The following SRGAP2 variants were observed in gnomAD, a reference collection of about 807,000 sequenced individuals.
SRGAP2 encodes the protein SLIT-ROBO Rho GTPase-activating protein 2.
SRGAP2 carries 15 observed loss-of-function variants against 57.2 expected under a neutral mutation model. The observed-to-expected ratio is 0.26, with a 90% confidence interval of 0.18 to 0.40. The LOEUF (loss-of-function observed/expected upper bound fraction) is 0.40. Among genes scored for constraint, SRGAP2 ranks in the 10% least tolerant of loss-of-function variants. SRGAP2 has a pLI of 1.00. For synonymous variants in SRGAP2, 249 were observed against 248.0 expected, an observed-to-expected ratio of 1.00 and a Z score of -0.04; for missense variants, 520 against 669.6, an observed-to-expected ratio of 0.78 and a Z score of 2.47.
rs1164104583 is a variant in SRGAP2, at chr1:206,454,638, CCTGAGGAG to C, written c.2361-230_2361-223del. 2.8e-5 allele frequency: 14 copies of C among 498,422 alleles called. No individual in the cohort carries two copies. Among genetic ancestry groups the C allele is most frequent in the African/African-American group, 3.9e-5 (2 of 50,918 alleles). The allele number at this position is 498,422 out of a possible 1,614,324, so 30.9% of individuals were successfully genotyped here. ...TCCAGGTGTCCCCTAGCCACGCTTT[CCTGAGGAG>C]CTGAGGAGCCCGCAGAACTCAGCGG... On this transcript the variant is annotated intron_variant, in intron 20 of 22. Coordinates refer to ENST00000573034, the MANE Select transcript of SRGAP2 (RefSeq NM_015326.5). This position sits in a 1 kb window ranked among gnomAD's most constrained non-coding sequence, Gnocchi z 4.3.
intron 4 of SRGAP2, among the ~76,000 whole-genome samples, chr1:206,367,219 A>T (rs1320821008): frequency 3.3e-5 from 5 of 152,228 alleles, no homozygotes; most frequent in Non-Finnish European, 7.4e-5. Context: ...TGATGAATTT[A>T]AAAACTGATA....
In SRGAP2 at chr1:206,454,527, C is replaced by A; in HGVS notation, c.2361-351C>A. 1 of 415,648 alleles carries A rather than the reference C, an allele frequency of 2.4e-6. No homozygotes were observed. Among genetic ancestry groups the A allele is most frequent in the South Asian group, 3.9e-5 (1 of 25,874 alleles). The allele number at this position is 415,648 out of a possible 1,614,324, so 25.7% of individuals were successfully genotyped here. A position where few individuals can be genotyped will look rare whatever the true frequency, so the allele number is the denominator to read the frequency against. ...AGGACCTCAGCCGATAAACCACAAC[C>A]TGGACTTGCCGCCTCCTTCTCCAGG... is the stretch of plus-strand genomic sequence containing the variant. On this transcript the variant is annotated intron_variant, in intron 20 of 22. Transcript: ENST00000573034. This position sits in a 1 kb window ranked among gnomAD's most constrained non-coding sequence, Gnocchi z 4.3.
At chr1:206,413,172 T>C in intron 10 of SRGAP2, among the ~76,000 whole-genome samples, 1 of 152,212 alleles carries the variant, frequency 6.6e-6, no homozygotes, top group Non-Finnish European at 1.5e-5. Context: ...ACTGTGGCTG[T>C]TTTCTGAGCA....
intron 2 of SRGAP2, among the ~76,000 whole-genome samples, chr1:206,213,062 G>C (rs1477664121): frequency 6.6e-6 from 1 of 151,942 alleles, no homozygotes; most frequent in Non-Finnish European, 1.5e-5. Context: ...GTGGTGGCAG[G>C]CACCTGTAAT....
intron 13 of SRGAP2, among the ~76,000 whole-genome samples, chr1:206,427,725 A>G (rs1458725659): frequency 6.6e-6 from 1 of 152,208 alleles, no homozygotes; most frequent in African/African-American, 2.4e-5. Context: ...CTGAACATCT[A>G]AAGCCCTTTC....
At chr1:206,295,618 T>G (rs1438232993) in intron 2 of SRGAP2, among the ~76,000 whole-genome samples, 7 of 151,100 alleles carry the variant, frequency 4.6e-5, no homozygotes, top group Admixed American at 3.3e-4. Context: ...AACACTTTCA[T>G]TGTAGTATTT....
intron 2 of SRGAP2, among the ~76,000 whole-genome samples, chr1:206,241,125 G>A (rs1347742304): frequency 2.6e-5 from 4 of 152,174 alleles, no homozygotes; most frequent in South Asian, 2.1e-4. Context: ...TCGAGGCTAC[G>A]GTGAGCTGTA....
At chr1:206,284,750 A>G (rs1177527285) in intron 2 of SRGAP2, among the ~76,000 whole-genome samples, 1,767 of 152,068 alleles carry the variant, frequency 0.012, 11 homozygotes, top group South Asian at 0.026. Flanking sequence ...TGCCCAGCCA[A>G]CTTCTTGTTT....
intron 4 of SRGAP2, among the ~76,000 whole-genome samples, chr1:206,364,492 G>A (rs140619383): frequency 2.2e-3 from 335 of 151,994 alleles, no homozygotes; most frequent in Non-Finnish European, 3.3e-3. Context: ...GTAGAGACAG[G>A]TTTTCACTAT....
intron 2 of SRGAP2, among the ~76,000 whole-genome samples, chr1:206,234,859 G>A (rs1327187523): frequency 3.3e-5 from 5 of 151,820 alleles, no homozygotes; most frequent in South Asian, 2.1e-4. Context: ...ATTCGTTTTC[G>A]TGCCCCAAGA....
At chr1:206,422,251 G>A (rs1553364704) in intron 13 of SRGAP2, among the ~76,000 whole-genome samples, 1 of 152,234 alleles carries the variant, frequency 6.6e-6, no homozygotes, top group African/African-American at 2.4e-5. Context: ...CTCTGACAGG[G>A]TGGACCATTA....
chr1:206,438,044 C>T lies in SRGAP2; in HGVS notation c.1714C>T (p.Leu572=). The T allele has an allele frequency of 1.3e-6, 1 of 780,902 alleles. No homozygotes were observed. The highest frequency in any genetic ancestry group is 1.3e-5 in the South Asian group (1 of 74,628). The allele number at this position is 780,902 out of a possible 1,614,324, so 48.4% of individuals were successfully genotyped here. The change falls in exon 16 of 23, where the codon CTG becomes TTG. Residue 572 remains leucine, a synonymous_variant. Coordinates refer to ENST00000573034, the MANE Select transcript of SRGAP2 (RefSeq NM_015326.5). ...TGTCCTGAAGCTTTACTTCCGGGGG[C>T]TGGAACACCCTCTCTTCCCCAAGGA... ...AGVLKLYFRG[L]EHPLFPKDIF...
chr1:206,383,941 G>A (rs1655944514), intron 4 of SRGAP2, 73 bp from the exon 5 acceptor site: 2 of 1,283,830 alleles, frequency 1.6e-6, no homozygotes, highest in South Asian at 1.3e-5. Flanking sequence ...TAGAGCCAGT[G>A]TGGCTTTTGC....
At chr1:206,311,952 C>T (rs1240543672) in intron 3 of SRGAP2, among the ~76,000 whole-genome samples, 4 of 151,508 alleles carry the variant, frequency 2.6e-5, no homozygotes, top group African/African-American at 9.7e-5. Flanking sequence ...GAAGCTGGGA[C>T]AGAGAAAGTG....
intron 2 of SRGAP2, among the ~76,000 whole-genome samples, chr1:206,290,524 C>T (rs1178098648): frequency 1.3e-5 from 2 of 150,836 alleles, no homozygotes; most frequent in Non-Finnish European, 3.0e-5. Flanking sequence ...TGCCTGTAAT[C>T]CCAGCTACTT....
At chr1:206,444,359 A>C (rs1006366983) in intron 17 of SRGAP2, among the ~76,000 whole-genome samples, 3 of 152,224 alleles carry the variant, frequency 2.0e-5, no homozygotes, top group Non-Finnish European at 4.4e-5. Flanking sequence ...GTAGCCACCT[A>C]TGAATTGAAC....
intron 4 of SRGAP2, among the ~76,000 whole-genome samples, chr1:206,354,614 A>G (rs1553338976): frequency 6.6e-6 from 1 of 152,212 alleles, no homozygotes; most frequent in African/African-American, 2.4e-5. Context: ...GTTTGAGGCT[A>G]TTATGTATGT....
At chr1:206,230,129 GT>G (rs1318090340) in intron 2 of SRGAP2, among the ~76,000 whole-genome samples, 1 of 152,138 alleles carries the variant, frequency 6.6e-6, no homozygotes, top group Non-Finnish European at 1.5e-5. Flanking sequence ...ATCAATTGCC[GT>G]GCAGATTGAG....
chr1:206,384,704 G>T (rs1250183557), intron 5 of SRGAP2, among the ~76,000 whole-genome samples: 1 of 150,980 alleles, frequency 6.6e-6, no homozygotes, highest in Non-Finnish European at 1.5e-5. Context: ...CATGATGCCT[G>T]TGGCTGGTGC....
Sources: gnomAD v4.1 joint callset for allele counts (sites outside exome capture counted in the v4.1 genomes callset) on GRCh38, gnomAD v4.1.1 for gene constraint, Gnocchi (gnomAD v3.1) non-coding constraint, MANE v1.5 for transcripts, NCBI Gene and HGNC (gene_info 2026-07-23, HGNC 2026-07-21) for gene names.